Variants in DNMT1 observed in about 807,000 individuals in gnomAD.
The protein encoded by DNMT1 is DNA (cytosine-5)-methyltransferase 1.
In DNMT1, 24 loss-of-function variants were observed where a neutral mutation model predicts 205.3. The ratio of observed to expected loss-of-function variants is 0.12; its 90% CI spans 0.08 to 0.16. The LOEUF is 0.16. Among genes scored for constraint, DNMT1 ranks in the 10% least tolerant of loss-of-function variants. The pLI is 1.00. For missense variants in DNMT1, 1,293 were observed against 2,177.7 expected, an observed-to-expected ratio of 0.59 and a Z score of 8.09; for synonymous variants, 817 against 839.8, an observed-to-expected ratio of 0.97 and a Z score of 0.47.
intron 8 of DNMT1, 130 bp from the exon 9 acceptor site, chr19:10,173,304 T>C: frequency 1.2e-6 from 1 of 845,078 alleles, no homozygotes; most frequent in South Asian, 1.4e-5. Context: ...AGACACATAC[T>C]CATTTAACAT....
At chr19:10,160,331 C>T in intron 14 of DNMT1, 53 bp downstream of exon 14, 2 of 1,611,736 alleles carry the variant, frequency 1.2e-6, no homozygotes. Context: ...GTTCTAGAAC[C>T]ATCATTTTAA....
rs760531791 is a variant in DNMT1 at position 10,141,205 on chromosome 19, C to A, written c.3310-16G>T. ...CATTATAGGCCTGAAAAGGAGAGAA[C>A]TGCAATCGTTTGGGAGAGAAACGCA... is the stretch of plus-strand genomic sequence containing the variant. On this transcript the variant is annotated splice_polypyrimidine_tract_variant and intron_variant, in intron 30 of 40. Transcript: ENST00000359526. The A allele has an allele frequency of 3.1e-6, 5 of 1,613,318 alleles. No homozygotes were observed. In the Admixed American group the frequency reaches 8.3e-5, roughly 27 times the overall value.
intron 30 of DNMT1, 88 bp from the exon 31 acceptor site, chr19:10,141,277 A>C: frequency 7.3e-7 from 1 of 1,375,118 alleles, no homozygotes; most frequent in East Asian, 2.3e-5. Context: ...TTTGATAGTC[A>C]CTTAATTTCT....
chr19:10,140,120 G>A lies in DNMT1; in HGVS notation c.3732C>T (p.Gly1244=), dbSNP rs1438784100. ...EMLCGGPPCQ[G]FSGMNRFNSR... Reference sequence around the variant, plus strand: ...AATTGAAGCGGTTCATGCCGCTGAAGCCCTGGCAGGGCGGCCCGCCGCACA... The same window carrying A: ...AATTGAAGCGGTTCATGCCGCTGAAACCCTGGCAGGGCGGCCCGCCGCACA... The change falls in exon 33 of 41, where the codon GGC becomes GGT. Residue 1244 remains glycine, a synonymous_variant. Coordinates refer to ENST00000359526, the MANE Select transcript of DNMT1 (RefSeq NM_001130823.3). The surrounding 1 kb of genome is among the most constrained non-coding windows in gnomAD (Gnocchi z 8.4). 3 of 1,614,016 alleles carry A rather than the reference G, an allele frequency of 1.9e-6. No individual in the cohort carries two copies. Among genetic ancestry groups the A allele is most frequent in the Non-Finnish European group, 2.5e-6 (3 of 1,180,050 alleles).
At chr19:10,164,913 TAAAAAAAAAAAAAAAAAAAAAAAAAA>T (rs535161745) in intron 11 of DNMT1, among the ~76,000 whole-genome samples, 344 of 34,050 alleles carry the variant, frequency 0.01, 4 homozygotes, top group South Asian at 0.031. Flanking sequence ...GAGACTATCT[TAAAAAAAAAAAAAAAAAAAAAAAAAA>T]AAAAAAAAAA....
In DNMT1 at chr19:10,156,512, A is replaced by G; in HGVS notation, c.1281-3T>C. 6.2e-7 allele frequency: 1 copy of G among 1,610,690 alleles called. No homozygotes were observed. Among genetic ancestry groups the G allele is most frequent in the Non-Finnish European group, 8.5e-7 (1 of 1,177,214 alleles). ...GGTGACCGTGCTTACAGTACACACT[A>G]GACAGGAAACAAAGCACATGCTTAC... is the stretch of plus-strand genomic sequence containing the variant. On this transcript the variant is annotated splice_region_variant and splice_polypyrimidine_tract_variant and intron_variant, in intron 17 of 40. Transcript: ENST00000359526. The surrounding 1 kb of genome is among the most constrained non-coding windows in gnomAD (Gnocchi z 4.2).
Position 10,162,689 on chromosome 19 carries a change from T to A in DNMT1, c.986A>T (p.Asp329Val), listed in dbSNP as rs2038597590. The A allele has an allele frequency of 6.2e-7, 1 of 1,612,744 alleles. No homozygotes were observed. The highest frequency in any genetic ancestry group is 8.5e-7 in the Non-Finnish European group (1 of 1,179,360). The change falls in exon 13 of 41, where the codon GAT becomes GTT. Residue 329 changes from aspartate to valine, a missense_variant. Physicochemically the swap from Asp to Val is radical, Grantham distance 152. Around this residue, in one of 13 missense-constraint regions of DNMT1, gnomAD observed 394 missense variants for 451.6 expected, o/e 0.87. Transcript: ENST00000359526. ...TACCTTTTCATCCTCGTCTTTTTCATCAGAAATCTGTGGATTTACTTTTTC... is the reference window on the plus strand; with the variant it reads ...TACCTTTTCATCCTCGTCTTTTTCAACAGAAATCTGTGGATTTACTTTTTC... The part of the protein sequence containing the change: ...EPEKVNPQIS[D>V]EKDEDEKEEK...
At chr19:10,186,783 A>G (rs1463421264) in intron 1 of DNMT1, among the ~76,000 whole-genome samples, 2 of 144,190 alleles carry the variant, frequency 1.4e-5, no homozygotes, top group East Asian at 2.2e-4. Context: ...GGCTGCGGTG[A>G]GCCAAGGTCA....
chr19:10,179,423 A>G (rs1237462856), intron 5 of DNMT1, among the ~76,000 whole-genome samples: 1 of 151,958 alleles, frequency 6.6e-6, no homozygotes, highest in Non-Finnish European at 1.5e-5. Flanking sequence ...CAGTAGAGAC[A>G]GGGTTTTGCC....
At chr19:10,162,902 C>T (rs1005313212) in intron 12 of DNMT1, 154 bp from the exon 13 acceptor site, 18 of 805,082 alleles carry the variant, frequency 2.2e-5, no homozygotes, top group South Asian at 9.1e-5. Flanking sequence ...CATCCCGAGA[C>T]GAGGCCTTCA....
At chr19:10,147,166 G>A (rs2145285150) in intron 27 of DNMT1, among the ~76,000 whole-genome samples, 1 of 152,264 alleles carries the variant, frequency 6.6e-6, no homozygotes, top group African/African-American at 2.4e-5. Flanking sequence ...GGAGGCTGAG[G>A]CAGGAAGATC....
intron 2 of DNMT1, among the ~76,000 whole-genome samples, chr19:10,181,733 G>A (rs2145382062): frequency 6.6e-6 from 1 of 152,092 alleles, no homozygotes; most frequent in African/African-American, 2.4e-5. Context: ...GGAGGCTGAG[G>A]CAGGAGAACA....
chr19:10,162,734 C>A lies in DNMT1; in HGVS notation c.941G>T (p.Arg314Met). The change falls in exon 13 of 41, where the codon AGG becomes ATG. Residue 314 changes from arginine to methionine, a missense_variant. Transcript: ENST00000359526. ...TTTTTCAGGTTCTTTTTCTTCGGGC[C>A]TCCGTTTGGCAGCTCTGCAGGGTGA... ...SQPKDLAAKR[R>M]PEEKEPEKVN... 6.2e-7 allele frequency: 1 copy of A among 1,613,944 alleles called. No homozygotes were observed.
At position 10,177,226 on chromosome 19, in the gene DNMT1, C is replaced by T. The variant is rs757838024; in HGVS notation, c.569+66G>A. The T allele has an allele frequency of 4.6e-5, 67 of 1,457,794 alleles. No homozygotes were observed. In the Admixed American group the frequency reaches 1.1e-3, roughly 25 times the overall value. 90.3% of individuals were successfully genotyped at this position (1,457,794 alleles called of 1,614,324 possible). A position where few individuals can be genotyped will look rare whatever the true frequency, so the allele number is the denominator to read the frequency against. On this transcript the variant is annotated intron_variant, in intron 6 of 40. Coordinates refer to ENST00000359526, the MANE Select transcript of DNMT1 (RefSeq NM_001130823.3). ...GAAGACAGAATTGCCACGTGACGCC[C>T]TACCAATTCCATCCCAAAACAGCCG...
chr19:10,183,218 C>T (rs372815268), intron 1 of DNMT1, among the ~76,000 whole-genome samples: 3 of 150,722 alleles, frequency 2.0e-5, no homozygotes, highest in South Asian at 2.1e-4. Context: ...CAGGTTCAAG[C>T]GATTCTCCTG....
chr19:10,194,527 A>T (rs2145416672), intron 1 of DNMT1: 1 of 310,842 alleles, frequency 3.2e-6, no homozygotes, highest in Non-Finnish European at 6.0e-6. Context: ...GACCCCGGAA[A>T]CGAACCCAAA....
Position 10,182,032 on chromosome 19 carries a change from G to A in DNMT1, c.117+9C>T, listed in dbSNP as rs758420999. 9 of 1,611,228 alleles carry A rather than the reference G, an allele frequency of 5.6e-6. No individual in the cohort carries two copies. The East Asian group carries it at 1.3e-4, about 24-fold the overall frequency. On this transcript the variant is annotated intron_variant, in intron 2 of 40. Transcript: ENST00000359526. ...TTGGTAATAAGAAAAATTTTAAGGT[G>A]GAGATTACCTTTTCTGTTAAGCTGT... is the stretch of plus-strand genomic sequence containing the variant.
chr19:10,152,740 G>A (rs1057229313), intron 22 of DNMT1, among the ~76,000 whole-genome samples: 3 of 151,852 alleles, frequency 2.0e-5, no homozygotes, highest in Non-Finnish European at 4.4e-5. Flanking sequence ...CAGACTGGGT[G>A]ACAGAACGAG....
Position 10,133,496 on chromosome 19 carries a change from T to A in DNMT1, c.*171A>T. On this transcript the variant is annotated 3_prime_UTR_variant, in exon 41 of 41. Transcript: ENST00000359526. This position sits in a 1 kb window ranked among gnomAD's most constrained non-coding sequence, Gnocchi z 4.1. Reference sequence around the variant, plus strand: ...ATGCACAAAGTACTGCACAATTTGATCACTAAATCATTAGTTGATAAGCGA... The same window carrying A: ...ATGCACAAAGTACTGCACAATTTGAACACTAAATCATTAGTTGATAAGCGA... 2 of 712,970 alleles carry A rather than the reference T, an allele frequency of 2.8e-6. No homozygotes were observed. The highest frequency in any genetic ancestry group is 1.8e-5 in the African/African-American group (1 of 56,252). 44.2% of individuals were successfully genotyped at this position (712,970 alleles called of 1,614,324 possible). A position where few individuals can be genotyped will look rare whatever the true frequency, so the allele number is the denominator to read the frequency against.
Sources: gnomAD v4.1 joint callset for allele counts (sites outside exome capture counted in the v4.1 genomes callset) on GRCh38, gnomAD v4.1.1 for gene constraint, gnomAD v4.1.1 regional missense constraint, Gnocchi (gnomAD v3.1) non-coding constraint, MANE v1.5 for transcripts, NCBI Gene and HGNC (gene_info 2026-07-23, HGNC 2026-07-21) for gene names.